The following ADGRB3 variants were observed in gnomAD, a reference collection of about 807,000 sequenced individuals.
ADGRB3 encodes the protein adhesion G protein-coupled receptor B3.
ADGRB3 carries 37 observed loss-of-function variants against 193.4 expected under a neutral mutation model. That is an observed-to-expected ratio of 0.19 (90% confidence interval 0.15 to 0.25). ADGRB3 has a LOEUF of 0.25. Among genes scored for constraint, ADGRB3 ranks in the 10% least tolerant of loss-of-function variants. The pLI, the probability that ADGRB3 is intolerant of heterozygous loss-of-function variation, is 1.00. For synonymous variants in ADGRB3, 690 were observed against 644.2 expected, an observed-to-expected ratio of 1.07 and a Z score of -1.08; for missense variants, 1,637 against 1,852.9, an observed-to-expected ratio of 0.88 and a Z score of 2.14.
chr6:68,838,108 A>T (rs987930203), intron 3 of ADGRB3, among the ~76,000 whole-genome samples: 2 of 152,214 alleles, frequency 1.3e-5, no homozygotes, highest in Non-Finnish European at 2.9e-5. Context: ...AAGGAATGCC[A>T]GGAACTCTGC....
intron 17 of ADGRB3, among the ~76,000 whole-genome samples, chr6:69,219,465 A>ATATATATATATATATATG (rs1765843988): frequency 2.7e-5 from 2 of 73,078 alleles, no homozygotes; most frequent in Non-Finnish European, 5.0e-5. Context: ...ACACACGTAT[A>ATATATATATATATATATG]TATATATATA....
At chr6:69,128,422 A>G (rs1773914235) in intron 17 of ADGRB3, among the ~76,000 whole-genome samples, 1 of 152,120 alleles carries the variant, frequency 6.6e-6, no homozygotes, top group Admixed American at 6.6e-5. Flanking sequence ...ACTTGAAGAC[A>G]ATTATTTTTC....
At chr6:69,221,514 C>T (rs1466804665) in intron 17 of ADGRB3, among the ~76,000 whole-genome samples, 1 of 152,084 alleles carries the variant, frequency 6.6e-6, no homozygotes, top group Admixed American at 6.6e-5. Flanking sequence ...TAGGACAGTG[C>T]TTCTTCTGTG....
intron 3 of ADGRB3, among the ~76,000 whole-genome samples, chr6:68,804,337 G>C (rs369703841): frequency 2.0e-5 from 3 of 152,184 alleles, no homozygotes; most frequent in African/African-American, 7.2e-5. Flanking sequence ...TCAATCTGCT[G>C]TGTCATTTGC....
intron 10 of ADGRB3, among the ~76,000 whole-genome samples, chr6:68,985,432 A>G (rs963319437): frequency 2.0e-5 from 3 of 152,212 alleles, no homozygotes; most frequent in African/African-American, 7.2e-5. Flanking sequence ...ACTGTTAGTT[A>G]GCATCATACC....
intron 3 of ADGRB3, among the ~76,000 whole-genome samples, chr6:68,663,702 G>T (rs964914193): frequency 6.6e-6 from 1 of 151,764 alleles, no homozygotes; most frequent in Non-Finnish European, 1.5e-5. Context: ...TTTTAAAGTG[G>T]CAGAAATTCT....
chr6:69,339,267 G>A, intron 25 of ADGRB3, 66 bp from the exon 26 acceptor site: 1 of 1,540,752 alleles, frequency 6.5e-7, no homozygotes, highest in Non-Finnish European at 8.8e-7. Flanking sequence ...TTTGTTGAAT[G>A]GGGGTTTGGC....
intron 5 of ADGRB3, among the ~76,000 whole-genome samples, chr6:68,940,765 G>T (rs777420902): frequency 1.3e-5 from 2 of 151,838 alleles, no homozygotes; most frequent in African/African-American, 4.8e-5. Flanking sequence ...GGTGCCGCGC[G>T]CCTGTAATCC....
At chr6:68,749,395 T>C (rs576301707) in intron 3 of ADGRB3, among the ~76,000 whole-genome samples, 1 of 112,826 alleles carries the variant, frequency 8.9e-6, no homozygotes, top group South Asian at 2.9e-4. Flanking sequence ...AACTCCCCTT[T>C]ATATATATAT....
Position 69,339,019 on chromosome 6 carries a change from G to A in ADGRB3, c.3287+5G>A. On this transcript the variant is annotated splice_donor_5th_base_variant and intron_variant, in intron 25 of 31. Coordinates refer to ENST00000370598, the MANE Select transcript of ADGRB3 (RefSeq NM_001704.3). Reference sequence around the variant, plus strand: ...CACCACCGCCAGTAACGCCATGTTAGTCCCAATCATTTACATCTTCTTGTT... The same window carrying A: ...CACCACCGCCAGTAACGCCATGTTAATCCCAATCATTTACATCTTCTTGTT... 6.2e-7 allele frequency: 1 copy of A among 1,613,314 alleles called. No homozygotes were observed. The highest frequency in any genetic ancestry group is 8.5e-7 in the Non-Finnish European group (1 of 1,179,462).
In ADGRB3 at chr6:68,975,236, A is replaced by G; in HGVS notation, c.1630A>G (p.Thr544Ala). 6.2e-7 allele frequency: 1 copy of G among 1,613,588 alleles called. No homozygotes were observed. The highest frequency in any genetic ancestry group is 8.5e-7 in the Non-Finnish European group (1 of 1,179,626). The change falls in exon 10 of 32, where the codon ACC (threonine) becomes GCC (alanine). Residue 544 changes from threonine to alanine, a missense_variant and splice_region_variant. By Grantham distance (58) the Thr-to-Ala change is moderately conservative. Transcript: ENST00000370598. ...FNQCPLNATG[T>A]TSRRCSLSLH... ...TCTCTGTTCTTTGTGACACACAGGC[A>G]CCACTAGCAGACGCTGCTCTCTCAG...
intron 3 of ADGRB3, among the ~76,000 whole-genome samples, chr6:68,788,157 G>A (rs1192682457): frequency 1.3e-5 from 2 of 151,608 alleles, no homozygotes; most frequent in East Asian, 1.9e-4. Flanking sequence ...TATTTCCTTC[G>A]GTTCTGCTCT....
In ADGRB3 at chr6:68,993,820, C is replaced by G. The variant is rs1769307918; in HGVS notation, c.1787C>G (p.Ser596Cys). ...CGAATGCTGGCAGGTGATGGAATGT[C>G]CCAGGTGACCAAGACACTGTTGGAT... ...GQRMLAGDGMSQVTKTLLDLT... is the reference protein window; with the variant it reads ...GQRMLAGDGMCQVTKTLLDLT... The change falls in exon 11 of 32, where the codon TCC becomes TGC. Residue 596 changes from serine to cysteine, a missense_variant. Physicochemically the swap from Ser to Cys is moderately radical, Grantham distance 112. Coordinates refer to ENST00000370598, the MANE Select transcript of ADGRB3 (RefSeq NM_001704.3). 6.2e-7 allele frequency: 1 copy of G among 1,613,820 alleles called. No individual in the cohort carries two copies. Among genetic ancestry groups the G allele is most frequent in the Non-Finnish European group, 8.5e-7 (1 of 1,179,870 alleles).
intron 3 of ADGRB3, among the ~76,000 whole-genome samples, chr6:68,763,560 T>C (rs1766453510): frequency 6.6e-6 from 1 of 152,204 alleles, no homozygotes; most frequent in Non-Finnish European, 1.5e-5. Context: ...TAAAGGCTGG[T>C]AGAATTACTG....
intron 17 of ADGRB3, among the ~76,000 whole-genome samples, chr6:69,112,688 ACT>A (rs1272563897): frequency 6.6e-6 from 1 of 152,142 alleles, no homozygotes; most frequent in African/African-American, 2.4e-5. Context: ...AAAAAGACAA[ACT>A]CTAAAAACAA....
At chr6:68,849,306 T>C (rs1293664563) in intron 3 of ADGRB3, among the ~76,000 whole-genome samples, 1 of 151,802 alleles carries the variant, frequency 6.6e-6, no homozygotes, top group Non-Finnish European at 1.5e-5. Flanking sequence ...CAATGTAGAC[T>C]AGCATCTAAG....
chr6:69,201,464 T>G (rs187808138), intron 17 of ADGRB3, among the ~76,000 whole-genome samples: 1 of 152,052 alleles, frequency 6.6e-6, no homozygotes, highest in Admixed American at 6.6e-5. Context: ...TCTTATTTTC[T>G]CTCCCTCCTT....
chr6:69,055,758 A>G (rs1233415907), intron 15 of ADGRB3, among the ~76,000 whole-genome samples: 1 of 151,950 alleles, frequency 6.6e-6, no homozygotes, highest in Non-Finnish European at 1.5e-5. Flanking sequence ...TCAGGGTTCC[A>G]ATTTTCCCAC....
At chr6:69,143,597 T>A (rs1195691897) in intron 17 of ADGRB3, among the ~76,000 whole-genome samples, 1 of 152,220 alleles carries the variant, frequency 6.6e-6, no homozygotes, top group African/African-American at 2.4e-5. Context: ...TTCTTCTGCA[T>A]ATGGATATCC....
Sources: gnomAD v4.1 joint callset for allele counts (sites outside exome capture counted in the v4.1 genomes callset) on GRCh38, gnomAD v4.1.1 for gene constraint, MANE v1.5 for transcripts, NCBI Gene and HGNC (gene_info 2026-07-23, HGNC 2026-07-21) for gene names.